KLHL41: variants seen among roughly 807,000 people sequenced by gnomAD.
The protein encoded by KLHL41 is kelch-like protein 41.
In KLHL41, 31 loss-of-function variants were observed where a neutral mutation model predicts 49.2. That is an observed-to-expected ratio of 0.63 (90% CI 0.47 to 0.85). The LOEUF is 0.85. Among genes scored for constraint, KLHL41 ranks in the 40% least tolerant of loss-of-function variants. The pLI is 0.00. For synonymous variants in KLHL41, 218 were observed against 258.5 expected (o/e 0.84, Z 1.50); for missense variants, 663 against 726.7 (o/e 0.91, Z 1.01).
intron 3 of KLHL41, among the ~76,000 whole-genome samples, chr2:169,515,307 A>G (rs547520479): frequency 6.6e-6 from 1 of 152,272 alleles, no homozygotes; most frequent in East Asian, 1.9e-4. Flanking sequence ...TGCTAGGATT[A>G]TAGGTGTGAG....
At chr2:169,516,864 A>C (rs879375945) in intron 3 of KLHL41, among the ~76,000 whole-genome samples, 1 of 152,124 alleles carries the variant, frequency 6.6e-6, no homozygotes, top group Non-Finnish European at 1.5e-5. Context: ...TCTACTAAAA[A>C]TACAAAATTA....
intron 5 of KLHL41, among the ~76,000 whole-genome samples, chr2:169,524,129 C>G (rs149635226): frequency 0.012 from 1,860 of 152,168 alleles, 53 homozygotes; most frequent in African/African-American, 0.043. Context: ...CTCATTTAAC[C>G]TTAACCTCAT....
chr2:169,520,008 T>TC (rs1684173399), intron 4 of KLHL41, among the ~76,000 whole-genome samples: 1 of 151,550 alleles, frequency 6.6e-6, no homozygotes, highest in Non-Finnish European at 1.5e-5. Context: ...AATTTTTTTT[T>TC]CCCCCCTTAA....
chr2:169,524,169 T>C (rs1469258510), intron 5 of KLHL41, among the ~76,000 whole-genome samples: 1 of 152,162 alleles, frequency 6.6e-6, no homozygotes, highest in African/African-American at 2.4e-5. Context: ...TTTCTTTAGG[T>C]CATTTAAAAC....
chr2:169,525,216 TC>T (rs1283897658), intron 5 of KLHL41, among the ~76,000 whole-genome samples: 1 of 152,194 alleles, frequency 6.6e-6, no homozygotes, highest in African/African-American at 2.4e-5. Flanking sequence ...TCCCTGCTCT[TC>T]CTCAGTTCTT....
chr2:169,510,742 A>G lies in KLHL41; in HGVS notation c.964A>G (p.Asn322Asp). 1.9e-6 allele frequency: 3 copies of G among 1,614,214 alleles called. No individual in the cohort carries two copies. The highest frequency in any genetic ancestry group is 2.5e-6 in the Non-Finnish European group (3 of 1,180,050). ...TAAVAYDPTE[N>D]ECYLTALAEQ... is the part of the protein sequence containing the mutation. Reference sequence around the variant, plus strand: ...AGCAGTGGCTTATGACCCCACGGAAAATGAATGCTACCTTACTGCACTGGC... The same window carrying G: ...AGCAGTGGCTTATGACCCCACGGAAGATGAATGCTACCTTACTGCACTGGC... Residue 322 changes from asparagine (N) to aspartate (D), a missense_variant, in exon 1 of 6, where the codon AAT (asparagine) becomes GAT (aspartate). Physicochemically the swap from Asn to Asp is conservative, Grantham distance 23. Around this residue, in one of 3 missense-constraint regions of KLHL41, gnomAD observed 528 missense variants for 581.0 expected, o/e 0.91. Coordinates refer to ENST00000284669, the MANE Select transcript of KLHL41 (RefSeq NM_006063.3). The surrounding 1 kb of genome is among the most constrained non-coding windows in gnomAD (Gnocchi z 4.2).
At chr2:169,523,250 G>A (rs1220410292) in intron 5 of KLHL41, among the ~76,000 whole-genome samples, 1 of 152,196 alleles carries the variant, frequency 6.6e-6, no homozygotes, top group Non-Finnish European at 1.5e-5. Flanking sequence ...CTCTCTGATT[G>A]TGGTTTATTT....
Position 169,515,023 on chromosome 2 carries a change from C to CTCTTT in KLHL41, c.1376+74_1376+78dup, listed in dbSNP as rs1442465297. ...GACTTTTTATTAGAAGGGTTTCTTCCTCTTTTCTTTTCTTTTTTTTTTTTT... is the reference window on the plus strand; with the variant it reads ...GACTTTTTATTAGAAGGGTTTCTTCCTCTTTTCTTTTCTTTTCTTTTTTTTTTTTT... On this transcript the variant is annotated intron_variant, in intron 3 of 5. Transcript: ENST00000284669. 1.5e-3 allele frequency: 1,517 copies of CTCTTT among 1,021,172 alleles called. 24 individuals are homozygous for CTCTTT. The African/African-American group carries it at 0.024, about 16-fold the overall frequency. 63.3% of individuals were successfully genotyped at this position (1,021,172 alleles called of 1,614,324 possible). A position where few individuals can be genotyped will look rare whatever the true frequency, so the allele number is the denominator to read the frequency against.
Position 169,525,565 on chromosome 2 carries a change from C to T in KLHL41, c.1710-20C>T, listed in dbSNP as rs779057487. The T allele has an allele frequency of 7.0e-7, 1 of 1,423,740 alleles. No homozygotes were observed. The highest frequency in any genetic ancestry group is 9.9e-7 in the Non-Finnish European group (1 of 1,010,288). 88.2% of individuals were successfully genotyped at this position (1,423,740 alleles called of 1,614,324 possible). On this transcript the variant is annotated intron_variant, in intron 5 of 5. Coordinates refer to ENST00000284669, the MANE Select transcript of KLHL41 (RefSeq NM_006063.3). ...TGGAACTAAAGCTGCTTATTGATTACTTTTTTTTTCCTCCATCAGGTATGA... is the reference window on the plus strand; with the variant it reads ...TGGAACTAAAGCTGCTTATTGATTATTTTTTTTTTCCTCCATCAGGTATGA...
Position 169,510,289 on chromosome 2 carries a change from T to C in KLHL41, c.511T>C (p.Phe171Leu), listed in dbSNP as rs1359563008. 1 of 1,614,102 alleles carries C rather than the reference T, an allele frequency of 6.2e-7. No individual in the cohort carries two copies. The highest frequency in any genetic ancestry group is 8.5e-7 in the Non-Finnish European group (1 of 1,180,020). Residue 171 changes from phenylalanine (F) to leucine (L), a missense_variant, in exon 1 of 6, where the codon TTT (phenylalanine) becomes CTT (leucine). Phe to Leu is a conservative substitution (Grantham distance 22). This residue lies in a region of KLHL41 where 528 missense variants were observed against 581.0 expected (regional missense o/e 0.91). Transcript: ENST00000284669. This position sits in a 1 kb window ranked among gnomAD's most constrained non-coding sequence, Gnocchi z 4.2. ...TGTACAGATTTGTAAGGAAGAGGAC[T>C]TTATGCAACTGTCTCCACAGGAACT... is the stretch of plus-strand genomic sequence containing the variant. The part of the protein sequence containing the change: ...RFVQICKEED[F>L]MQLSPQELIS...
rs60635668 is a variant in KLHL41, at chr2:169,522,705, A to ATTTTTTTTT, written c.1709+1722_1709+1730dup. ...CCTAGTTCCTAAAACCTTCCCAGTG[A>ATTTTTTTTT]TTTTTTTTTTTTTTTTTTTTTTTTT... is the stretch of plus-strand genomic sequence containing the variant. On this transcript the variant is annotated intron_variant, in intron 5 of 5. Transcript: ENST00000284669. Among the ~76,000 whole-genome samples, 23 of 50,126 alleles carry ATTTTTTTTT rather than the reference A, an allele frequency of 4.6e-4. 1 individual carries two copies. The highest frequency in any genetic ancestry group is 0.015 in the Middle Eastern group (1 of 68). 32.9% of individuals were successfully genotyped at this position (50,126 alleles called of 152,430 possible).
At position 169,512,730 on chromosome 2, in the gene KLHL41, A is replaced by G. The variant is rs1178558016; in HGVS notation, c.1110+1842A>G. ...CGGTATGCCAGGATAAAAACACTTC[A>G]CCATAAAAGAGGGTTGTGACTCATC... On this transcript the variant is annotated intron_variant, in intron 1 of 5. Transcript: ENST00000284669. Among the ~76,000 whole-genome samples the G allele has an allele frequency of 3.3e-5, 5 of 152,170 alleles. No individual in the cohort carries two copies. The East Asian group carries it at 9.6e-4, about 29-fold the overall frequency.
intron 4 of KLHL41, 81 bp from the exon 5 acceptor site, chr2:169,520,780 T>C: frequency 2.5e-6 from 3 of 1,193,234 alleles, no homozygotes; most frequent in Middle Eastern, 4.0e-4. Flanking sequence ...ATTTTTAAAT[T>C]ATTATTTCCT....
chr2:169,512,595 A>G (rs913934134), intron 1 of KLHL41, among the ~76,000 whole-genome samples: 2 of 152,170 alleles, frequency 1.3e-5, no homozygotes, highest in Non-Finnish European at 2.9e-5. Flanking sequence ...TTTTTGGTTC[A>G]AGAAACCTAC....
intron 4 of KLHL41, among the ~76,000 whole-genome samples, chr2:169,520,444 C>T (rs570689709): frequency 1.5e-3 from 223 of 146,888 alleles, no homozygotes; most frequent in Non-Finnish European, 2.5e-3. Flanking sequence ...CGAACCCAGC[C>T]GCTACTTGAA....
chr2:169,519,390 C>T (rs1442274241), intron 4 of KLHL41, among the ~76,000 whole-genome samples: 3 of 152,112 alleles, frequency 2.0e-5, no homozygotes, highest in Non-Finnish European at 1.5e-5. Flanking sequence ...TTGTGGAACA[C>T]TATTTAAATT....
intron 5 of KLHL41, 77 bp from the exon 6 acceptor site, chr2:169,525,508 C>G (rs1684289478): frequency 1.2e-6 from 1 of 867,308 alleles, no homozygotes; most frequent in Admixed American, 2.0e-5. Flanking sequence ...TTTCAAAGAT[C>G]CACATTTGTA....
rs1306033927 is a variant in KLHL41, at chr2:169,512,308, T to C, written c.1110+1420T>C. On this transcript the variant is annotated intron_variant, in intron 1 of 5. Transcript: ENST00000284669. ...TAAACGTCAAAAGTGGCAAAGTCAA[T>C]GAAAAAGGCTATAAATACATCCAGG... is the stretch of plus-strand genomic sequence containing the variant. Among the ~76,000 whole-genome samples, 3 of 152,070 alleles carry C rather than the reference T, an allele frequency of 2.0e-5. No homozygotes were observed. The East Asian group carries it at 5.8e-4, about 29-fold the overall frequency.
chr2:169,513,757 C>A (rs535365553), intron 1 of KLHL41, among the ~76,000 whole-genome samples: 6 of 152,292 alleles, frequency 3.9e-5, no homozygotes, highest in African/African-American at 1.4e-4. Context: ...AAACAGTTTT[C>A]TTGTGCCTTA....
Sources: allele counts gnomAD v4.1 joint callset (sites outside exome capture counted in the v4.1 genomes callset), GRCh38; gene constraint gnomAD v4.1.1; regional missense constraint gnomAD v4.1.1; non-coding constraint Gnocchi (gnomAD v3.1); transcripts MANE v1.5; gene names NCBI Gene and HGNC (gene_info 2026-07-23, HGNC 2026-07-21).